The following NHS variants were observed in gnomAD, a reference collection of about 807,000 sequenced individuals.
NHS encodes NHS actin remodeling regulator, also known as actin remodeling regulator NHS.
Under a neutral mutation model 72.5 loss-of-function variants are expected in NHS, and 5 were observed. The ratio of observed to expected loss-of-function variants is 0.07; its 90% CI spans 0.04 to 0.14. The LOEUF is 0.14. Ranked by LOEUF, NHS falls within the 10% of genes least tolerant of loss-of-function variation. The pLI is 1.00. For missense variants in NHS, 1,072 were observed against 1,355.7 expected (o/e 0.79, Z 3.29); for synonymous variants, 464 against 547.7 (o/e 0.85, Z 2.13).
chrX:17,487,367 C>T (rs1053612296), intron 1 of NHS, among the ~76,000 whole-genome samples: 3 of 111,529 alleles, frequency 2.7e-5, no homozygotes, highest in Non-Finnish European at 5.7e-5. Flanking sequence ...TGGGAGGCTT[C>T]TAATTTAGGG....
chrX:17,537,234 T>C (rs113676190), intron 1 of NHS, among the ~76,000 whole-genome samples: 113 of 112,379 alleles, frequency 1.0e-3, no homozygotes, highest in African/African-American at 3.4e-3. Flanking sequence ...TCAGCAAAAC[T>C]GACCAGCTAA....
intron 1 of NHS, among the ~76,000 whole-genome samples, chrX:17,477,150 T>C (rs866197617): frequency 9.0e-5 from 10 of 111,519 alleles, no homozygotes; most frequent in Non-Finnish European, 7.5e-5. Flanking sequence ...CCTTAGGTGG[T>C]GACACTGTAA....
chrX:17,565,981 G>A (rs1227571785), intron 1 of NHS, among the ~76,000 whole-genome samples: 2 of 104,645 alleles, frequency 1.9e-5, no homozygotes, highest in Non-Finnish European at 3.9e-5. Context: ...TTGACTTTCT[G>A]TCTTTTTTTT....
At chrX:17,583,576 A>T (rs1041820815) in intron 1 of NHS, among the ~76,000 whole-genome samples, 1 of 112,494 alleles carries the variant, frequency 8.9e-6, no homozygotes, top group Non-Finnish European at 1.9e-5. Context: ...GGAATGACAC[A>T]GGTGAATTCG....
rs903066322 is a variant in NHS at position 17,726,434 on chromosome X, C to T, written c.2328C>T (p.His776=). ...CAGACAAAGCGGACACTAGCTCTCACTTTTCAGTAGACACGGAAGGATACT... is the reference window on the plus strand; with the variant it reads ...CAGACAAAGCGGACACTAGCTCTCATTTTTCAGTAGACACGGAAGGATACT... The part of the protein sequence containing the change: ...SPSDKADTSS[H]FSVDTEGYYT... Residue 776 remains histidine, a synonymous_variant, in exon 7 of 9, where the codon CAC becomes CAT. Coordinates refer to ENST00000676302, the MANE Select transcript of NHS (RefSeq NM_001291867.2). The T allele has an allele frequency of 1.7e-6, 2 of 1,210,648 alleles. No individual in the cohort carries two copies. The highest frequency in any genetic ancestry group is 3.5e-5 in the African/African-American group (2 of 57,372).
chrX:17,564,515 G>A (rs1214254638), intron 1 of NHS, among the ~76,000 whole-genome samples: 1 of 112,123 alleles, frequency 8.9e-6, no homozygotes, highest in Non-Finnish European at 1.9e-5. Context: ...ACGCTTATAT[G>A]GCTTCAGAAT....
chrX:17,446,657 A>C (rs1022539636), intron 1 of NHS, among the ~76,000 whole-genome samples: 69 of 83,876 alleles, frequency 8.2e-4, no homozygotes, highest in South Asian at 5.7e-3. Context: ...CTTTTTGCCC[A>C]AAAAAAAAAA....
intron 3 of NHS, among the ~76,000 whole-genome samples, chrX:17,711,926 A>T (rs2147129611): frequency 9.0e-6 from 1 of 110,553 alleles, no homozygotes; most frequent in South Asian, 3.9e-4. Flanking sequence ...AGCTGCTATA[A>T]ACTTTATAAG....
At chrX:17,599,797 A>G (rs1435742861) in intron 1 of NHS, among the ~76,000 whole-genome samples, 1 of 111,225 alleles carries the variant, frequency 9.0e-6, no homozygotes, top group African/African-American at 3.3e-5. Flanking sequence ...GATAAAGTCA[A>G]AACCACCAGT....
chrX:17,616,304 A>G (rs1367284850), intron 1 of NHS, among the ~76,000 whole-genome samples: 1 of 112,483 alleles, frequency 8.9e-6, no homozygotes, highest in Non-Finnish European at 1.9e-5. Flanking sequence ...TATTTTATAC[A>G]TTGGGTGGGT....
intron 1 of NHS, among the ~76,000 whole-genome samples, chrX:17,589,658 TC>T (rs2065593377): frequency 9.0e-6 from 1 of 111,324 alleles, no homozygotes; most frequent in Admixed American, 9.6e-5. Context: ...TGAGTGAGTA[TC>T]TTTTTCATAT....
At chrX:17,517,665 A>C (rs1247710464) in intron 1 of NHS, among the ~76,000 whole-genome samples, 1 of 111,712 alleles carries the variant, frequency 9.0e-6, no homozygotes, top group Admixed American at 9.5e-5. Context: ...TTGTGTTGTA[A>C]ATGGGCCCTC....
intron 1 of NHS, among the ~76,000 whole-genome samples, chrX:17,426,546 A>C (rs1352575083): frequency 8.9e-6 from 1 of 111,955 alleles, no homozygotes; most frequent in Non-Finnish European, 1.9e-5. Context: ...ACTATAATAA[A>C]AGTAATTTAG....
intron 1 of NHS, among the ~76,000 whole-genome samples, chrX:17,419,768 T>C (rs907964191): frequency 5.4e-5 from 6 of 111,889 alleles, no homozygotes; most frequent in Non-Finnish European, 9.4e-5. Flanking sequence ...AAAGCTAAAA[T>C]TGTTTCCTGA....
intron 1 of NHS, among the ~76,000 whole-genome samples, chrX:17,490,532 G>C (rs1474428078): frequency 8.9e-6 from 1 of 112,223 alleles, no homozygotes; most frequent in Non-Finnish European, 1.9e-5. Context: ...CCGTAGCCTT[G>C]TAGTATAGTT....
intron 1 of NHS, among the ~76,000 whole-genome samples, chrX:17,411,481 C>T (rs1381342017): frequency 9.0e-6 from 1 of 111,551 alleles, no homozygotes; most frequent in African/African-American, 3.3e-5. Flanking sequence ...TCCTTGCTAC[C>T]GTACTATATT....
intron 1 of NHS, among the ~76,000 whole-genome samples, chrX:17,498,618 A>T (rs1373845392): frequency 9.0e-6 from 1 of 111,424 alleles, no homozygotes; most frequent in Non-Finnish European, 1.9e-5. Flanking sequence ...CCTTGTTGCT[A>T]TGATGTTGCT....
At chrX:17,550,220 C>G (rs968771646) in intron 1 of NHS, among the ~76,000 whole-genome samples, 2 of 112,050 alleles carry the variant, frequency 1.8e-5, no homozygotes, top group African/African-American at 6.5e-5. Context: ...TGAGCTTGTT[C>G]CTGACCACAC....
At chrX:17,471,792 C>A (rs1329790455) in intron 1 of NHS, among the ~76,000 whole-genome samples, 1 of 111,552 alleles carries the variant, frequency 9.0e-6, no homozygotes, top group African/African-American at 3.3e-5. Context: ...AGAATCAAAC[C>A]GTAGGAAGGT....
Sources: gnomAD v4.1 joint callset for allele counts (sites outside exome capture counted in the v4.1 genomes callset) on GRCh38, gnomAD v4.1.1 for gene constraint, MANE v1.5 for transcripts, NCBI Gene and HGNC (gene_info 2026-07-23, HGNC 2026-07-21) for gene names.